RUBCNL: variants seen among roughly 807,000 people sequenced by gnomAD.
The protein encoded by RUBCNL is rubicon like autophagy enhancer.
RUBCNL carries 62 observed loss-of-function variants against 69.5 expected under a neutral mutation model. That is an observed-to-expected ratio of 0.89 (90% CI 0.73 to 1.10). RUBCNL has a LOEUF of 1.10. Ranked by LOEUF, RUBCNL falls within the 50% of genes least tolerant of loss-of-function variation. The pLI, the probability that RUBCNL is intolerant of heterozygous loss-of-function variation, is 0.00. For synonymous variants in RUBCNL, 291 were observed against 303.6 expected (o/e 0.96, Z 0.43); for missense variants, 768 against 798.1 (o/e 0.96, Z 0.45).
chr13:46,387,846 G>A (rs2049283721), upstream of RUBCNL: 1 of 985,410 alleles, frequency 1.0e-6, no homozygotes, highest in African/African-American at 1.7e-5. Flanking sequence ...GTGTGCAGTG[G>A]TTAGTCCTGA....
chr13:46,382,635 C>A (rs1036355011), intron 1 of RUBCNL, among the ~76,000 whole-genome samples: 1 of 152,166 alleles, frequency 6.6e-6, no homozygotes, highest in African/African-American at 2.4e-5. Flanking sequence ...CAGGTTCAGG[C>A]GATTCTCCTT....
chr13:46,377,581 A>G (rs1335467067), intron 2 of RUBCNL, among the ~76,000 whole-genome samples: 1 of 152,172 alleles, frequency 6.6e-6, no homozygotes, highest in Non-Finnish European at 1.5e-5. Flanking sequence ...TGTTTTTTAT[A>G]AACAAGTTAT....
chr13:46,381,839 C>G (rs892403692), intron 1 of RUBCNL, among the ~76,000 whole-genome samples: 2 of 152,210 alleles, frequency 1.3e-5, no homozygotes, highest in Non-Finnish European at 2.9e-5. Flanking sequence ...GCCTCGGCCT[C>G]TGTTGCTCAG....
At chr13:46,377,807 G>T (rs1341623045) in intron 2 of RUBCNL, 83 bp downstream of exon 2, 1 of 736,796 alleles carries the variant, frequency 1.4e-6, no homozygotes. Flanking sequence ...GTTAGAATAG[G>T]CCCATAATAG....
At chr13:46,369,084 G>A (rs745731777) in intron 3 of RUBCNL, among the ~76,000 whole-genome samples, 4 of 152,162 alleles carry the variant, frequency 2.6e-5, no homozygotes, top group Non-Finnish European at 5.9e-5. Context: ...AGGAAAAGAG[G>A]GTAGAAAGAG....
intron 12 of RUBCNL, among the ~76,000 whole-genome samples, chr13:46,347,905 C>A (rs259731): frequency 0.4 from 61,066 of 151,794 alleles, 13,016 homozygotes; most frequent in East Asian, 0.59. Context: ...AGGCAGGAGA[C>A]TGGCGTGAAC....
intron 5 of RUBCNL, among the ~76,000 whole-genome samples, chr13:46,365,639 C>T (rs934708096): frequency 6.6e-6 from 1 of 152,144 alleles, no homozygotes; most frequent in Non-Finnish European, 1.5e-5. Flanking sequence ...CATTTCAGGA[C>T]ATCCTTCCCA....
rs2138650870 is a variant in RUBCNL at position 46,337,556 on chromosome 13, T to A, written c.*5829A>T. On this transcript the variant is annotated 3_prime_UTR_variant, in exon 15 of 15. Transcript: ENST00000429979. ...GACATCAAATCTGCTGTTGTCTTGA[T>A]CTTGGACTTCCTAGCCTCCAGAACT... Among the ~76,000 whole-genome samples the A allele has an allele frequency of 6.6e-6, 1 of 152,322 alleles. No individual in the cohort carries two copies. The highest frequency in any genetic ancestry group is 2.1e-4 in the South Asian group (1 of 4,830).
intron 8 of RUBCNL, 126 bp downstream of exon 8, chr13:46,361,315 T>C (rs2048604602): frequency 3.2e-6 from 3 of 948,528 alleles, no homozygotes; most frequent in South Asian, 1.7e-5. Context: ...AGTTTCCTCA[T>C]TCATTTTGAG....
chr13:46,343,496 C>G lies in RUBCNL; in HGVS notation c.1878G>C (p.Ala626=), dbSNP rs190172666. ...FQTATCRRCS[A]CRACFHKQCF... ...ACTGTTTGTGAAAGCAAGCCCTGCA[C>G]GCTGCAAGCAAGGAAGAGAGCCGTT... is the stretch of plus-strand genomic sequence containing the variant. The change falls in exon 15 of 15, where the codon GCG becomes GCC. Residue 626 remains alanine, a splice_region_variant and synonymous_variant. Coordinates refer to ENST00000429979, the MANE Select transcript of RUBCNL (RefSeq NM_025113.5). The G allele has an allele frequency of 2.5e-6, 4 of 1,613,040 alleles. No homozygotes were observed. The Admixed American group carries it at 6.7e-5, about 27-fold the overall frequency.
Position 46,339,953 on chromosome 13 carries a change from A to G in RUBCNL, c.*3432T>C, listed in dbSNP as rs533463970. On this transcript the variant is annotated 3_prime_UTR_variant, in exon 15 of 15. Transcript: ENST00000429979. ...GTCAGAAGTTTGAAATCAAGGGGTC[A>G]GCCATGTTGGGTTTTTTTTTTAAGG... is the stretch of plus-strand genomic sequence containing the variant. 6.6e-6 allele frequency among the ~76,000 whole-genome samples: 1 copy of G among 152,068 alleles called. No individual in the cohort carries two copies. The highest frequency in any genetic ancestry group is 2.4e-5 in the African/African-American group (1 of 41,428).
chr13:46,386,754 A>C (rs942572204), intron 1 of RUBCNL, among the ~76,000 whole-genome samples: 1 of 152,212 alleles, frequency 6.6e-6, no homozygotes, highest in Non-Finnish European at 1.5e-5. Context: ...CAGAGAAAAG[A>C]CACTGATCCC....
At chr13:46,351,229 T>C (rs962800944) in intron 10 of RUBCNL, among the ~76,000 whole-genome samples, 8 of 152,076 alleles carry the variant, frequency 5.3e-5, no homozygotes, top group Admixed American at 4.6e-4. Context: ...CTGCATTCCA[T>C]CCAGCCTGGG....
chr13:46,349,180 A>T, intron 12 of RUBCNL, 106 bp downstream of exon 12: 1 of 908,614 alleles, frequency 1.1e-6, no homozygotes, highest in Non-Finnish European at 1.8e-6. Flanking sequence ...TGAGGTCATC[A>T]CTGTGCTAAG....
At position 46,336,295 on chromosome 13, in the gene RUBCNL, C is replaced by T. The variant is rs1209320106; in HGVS notation, c.*7090G>A. ...TACGAAGATGGAGTTTCAGGTGGTC[C>T]CCAACAGCTAATCTGATTTCTCCAC... On this transcript the variant is annotated 3_prime_UTR_variant, in exon 15 of 15. Coordinates refer to ENST00000429979, the MANE Select transcript of RUBCNL (RefSeq NM_025113.5). Among the ~76,000 whole-genome samples, 2 of 152,074 alleles carry T rather than the reference C, an allele frequency of 1.3e-5. No homozygotes were observed. Among genetic ancestry groups the T allele is most frequent in the Non-Finnish European group, 2.9e-5 (2 of 68,016 alleles).
intron 1 of RUBCNL, among the ~76,000 whole-genome samples, chr13:46,381,316 G>A (rs977156791): frequency 6.6e-6 from 1 of 151,996 alleles, no homozygotes; most frequent in Non-Finnish European, 1.5e-5. Context: ...GCTCTGACAT[G>A]GATGAGCACT....
intron 1 of RUBCNL, chr13:46,378,401 A>G (rs962765507): frequency 1.3e-5 from 2 of 154,178 alleles, no homozygotes; most frequent in African/African-American, 2.4e-5. Flanking sequence ...AATAAAATCA[A>G]TTTCCAAAAA....
Position 46,364,952 on chromosome 13 carries a change from G to A in RUBCNL, c.827-1739C>T, listed in dbSNP as rs1032890588. 2.0e-5 allele frequency among the ~76,000 whole-genome samples: 3 copies of A among 151,808 alleles called. No homozygotes were observed. In the South Asian group the frequency reaches 6.2e-4, roughly 32 times the overall value. ...TATAAAAATACCTATTTCAGACAAG[G>A]CATTATACTAAACACAAATACAAAG... On this transcript the variant is annotated intron_variant, in intron 5 of 14. Coordinates refer to ENST00000429979, the MANE Select transcript of RUBCNL (RefSeq NM_025113.5).
intron 7 of RUBCNL, 123 bp from the exon 8 acceptor site, chr13:46,361,696 T>C (rs2048614518): frequency 1.1e-6 from 1 of 920,424 alleles, no homozygotes; most frequent in South Asian, 1.7e-5. Flanking sequence ...TCATATGAGA[T>C]GACGCATGAA....
Sources: gnomAD v4.1 joint callset for allele counts (sites outside exome capture counted in the v4.1 genomes callset) on GRCh38, gnomAD v4.1.1 for gene constraint, MANE v1.5 for transcripts, NCBI Gene and HGNC (gene_info 2026-07-23, HGNC 2026-07-21) for gene names.